DSCAML1: variants seen among roughly 807,000 people sequenced by gnomAD.
DSCAML1 encodes the protein cell adhesion molecule DSCAML1.
DSCAML1 carries 38 observed loss-of-function variants against 200.5 expected under a neutral mutation model. The ratio of observed to expected loss-of-function variants is 0.19; its 90% CI spans 0.15 to 0.25. The LOEUF is 0.25. Among genes scored for constraint, DSCAML1 ranks in the 10% least tolerant of loss-of-function variants. The pLI, the probability that DSCAML1 is intolerant of heterozygous loss-of-function variation, is 1.00. For missense variants in DSCAML1, 2,223 were observed against 2,858.8 expected (o/e 0.78, Z 5.07); for synonymous variants, 1,215 against 1,165.0 (o/e 1.04, Z -0.87).
At chr11:117,781,040 T>C (rs1591504835) in intron 1 of DSCAML1, among the ~76,000 whole-genome samples, 1 of 152,316 alleles carries the variant, frequency 6.6e-6, no homozygotes, top group East Asian at 1.9e-4. Flanking sequence ...CTCATGCCTG[T>C]AATTCCAGCA....
intron 3 of DSCAML1, among the ~76,000 whole-genome samples, chr11:117,539,069 A>G (rs1387863035): frequency 1.3e-5 from 2 of 152,184 alleles, no homozygotes; most frequent in Admixed American, 1.3e-4. Flanking sequence ...GTCATAAAAC[A>G]GGCACTCAGT....
At chr11:117,808,525 A>G (rs1591526082) in intron 1 of DSCAML1, among the ~76,000 whole-genome samples, 1 of 152,142 alleles carries the variant, frequency 6.6e-6, no homozygotes, top group Non-Finnish European at 1.5e-5. Context: ...GGTGAAGGAG[A>G]GAGAGATCCC....
chr11:117,670,067 G>C (rs2053071851), intron 3 of DSCAML1, among the ~76,000 whole-genome samples: 1 of 152,226 alleles, frequency 6.6e-6, no homozygotes, highest in Non-Finnish European at 1.5e-5. Flanking sequence ...GGAAAGGAAA[G>C]AGGTTAAGCG....
chr11:117,807,177 A>G (rs2055713786), intron 1 of DSCAML1, among the ~76,000 whole-genome samples: 1 of 152,164 alleles, frequency 6.6e-6, no homozygotes, highest in African/African-American at 2.4e-5. Context: ...TCCTCACCAC[A>G]CAGCCTGACC....
At chr11:117,811,204 A>G (rs781267044) in intron 1 of DSCAML1, among the ~76,000 whole-genome samples, 56 of 152,120 alleles carry the variant, frequency 3.7e-4, no homozygotes, top group Non-Finnish European at 6.6e-4. Flanking sequence ...CTTTTTCATC[A>G]AATATAAAAC....
chr11:117,681,641 C>T (rs1037307039), intron 3 of DSCAML1, among the ~76,000 whole-genome samples: 5 of 152,196 alleles, frequency 3.3e-5, no homozygotes, highest in African/African-American at 1.2e-4. Context: ...TCCTCCATGG[C>T]TACCCTGCCT....
At chr11:117,660,165 C>T (rs1376587408) in intron 3 of DSCAML1, among the ~76,000 whole-genome samples, 1 of 152,214 alleles carries the variant, frequency 6.6e-6, no homozygotes, top group African/African-American at 2.4e-5. Context: ...AGCAGGGGCT[C>T]CTGCTTCCCA....
At chr11:117,778,712 C>A (rs896068504) in intron 2 of DSCAML1, among the ~76,000 whole-genome samples, 10 of 152,218 alleles carry the variant, frequency 6.6e-5, no homozygotes, top group Non-Finnish European at 1.5e-4. Context: ...AAAACTGCAT[C>A]CTAACCCAAT....
chr11:117,747,800 C>T (rs1320612578), intron 3 of DSCAML1, among the ~76,000 whole-genome samples: 1 of 152,154 alleles, frequency 6.6e-6, no homozygotes, highest in Non-Finnish European at 1.5e-5. Context: ...CTGTGTGGGG[C>T]AGAGTTTTAT....
At chr11:117,794,884 G>A (rs1265067878) in intron 1 of DSCAML1, among the ~76,000 whole-genome samples, 1 of 152,142 alleles carries the variant, frequency 6.6e-6, no homozygotes, top group Non-Finnish European at 1.5e-5. Flanking sequence ...ACAGACGCTG[G>A]AGCCTCTGAA....
chr11:117,531,811 A>T, intron 4 of DSCAML1, among the ~76,000 whole-genome samples: 1 of 151,778 alleles, frequency 6.6e-6, no homozygotes, highest in Non-Finnish European at 1.5e-5. Context: ...GCTTGAACCC[A>T]GGGGGCGGAA....
chr11:117,669,409 G>A (rs530060021), intron 3 of DSCAML1, among the ~76,000 whole-genome samples: 1 of 152,354 alleles, frequency 6.6e-6, no homozygotes, highest in East Asian at 1.9e-4. Context: ...TGCCTGAGCT[G>A]GGTGAGTGGT....
At chr11:117,737,334 G>T (rs1364620110) in intron 3 of DSCAML1, among the ~76,000 whole-genome samples, 1 of 152,232 alleles carries the variant, frequency 6.6e-6, no homozygotes, top group Non-Finnish European at 1.5e-5. Context: ...GCCAGGTTCC[G>T]CATCTGGTCC....
intron 3 of DSCAML1, among the ~76,000 whole-genome samples, chr11:117,540,822 C>T (rs2050254596): frequency 6.6e-6 from 1 of 150,690 alleles, no homozygotes; most frequent in African/African-American, 2.5e-5. Flanking sequence ...GCACATGTAC[C>T]CTGGAACTTA....
intron 3 of DSCAML1, among the ~76,000 whole-genome samples, chr11:117,658,940 C>T (rs948824720): frequency 2.6e-5 from 4 of 152,186 alleles, no homozygotes; most frequent in Admixed American, 2.0e-4. Context: ...CTGCCTGTGC[C>T]TACCCTCAGC....
rs535668814 is a variant in DSCAML1, at chr11:117,691,695, T to C, written c.511+85096A>G. ...TCTTGGACGACAAGTGTGTGTAATG[T>C]TGTTTAAAAGCCATGACTACATCGA... On this transcript the variant is annotated intron_variant, in intron 3 of 32. Transcript: ENST00000651296. Among the ~76,000 whole-genome samples the C allele has an allele frequency of 1.4e-4, 21 of 152,302 alleles. No homozygotes were observed. In the South Asian group the frequency reaches 2.9e-3, roughly 21 times the overall value.
intron 3 of DSCAML1, among the ~76,000 whole-genome samples, chr11:117,582,457 C>T (rs189048628): frequency 9.2e-5 from 14 of 152,312 alleles, no homozygotes; most frequent in Middle Eastern, 3.4e-3. Flanking sequence ...CCTCTTCTTC[C>T]GCTCACAGTA....
At chr11:117,612,683 T>C (rs1210170514) in intron 3 of DSCAML1, among the ~76,000 whole-genome samples, 2 of 152,176 alleles carry the variant, frequency 1.3e-5, no homozygotes, top group East Asian at 3.9e-4. Context: ...TTCCACACCC[T>C]TGCACCTGCA....
At chr11:117,732,934 C>A (rs995605902) in intron 3 of DSCAML1, among the ~76,000 whole-genome samples, 5 of 152,026 alleles carry the variant, frequency 3.3e-5, no homozygotes, top group African/African-American at 1.2e-4. Context: ...AAACATGCAC[C>A]CAGCACTGCC....
Sources: allele counts gnomAD v4.1 joint callset (sites outside exome capture counted in the v4.1 genomes callset), GRCh38; gene constraint gnomAD v4.1.1; transcripts MANE v1.5; gene names NCBI Gene and HGNC (gene_info 2026-07-23, HGNC 2026-07-21).